CPQ: variants seen among roughly 807,000 people sequenced by gnomAD.
CPQ encodes the protein carboxypeptidase Q.
A neutral mutation model predicts 45.7 loss-of-function variants in CPQ; 37 were observed. The ratio of observed to expected loss-of-function variants is 0.81; its 90% CI spans 0.62 to 1.07. The LOEUF (loss-of-function observed/expected upper bound fraction) is 1.07. Among genes scored for constraint, CPQ ranks in the 50% least tolerant of loss-of-function variants. The pLI is 0.00. For synonymous variants in CPQ, 186 were observed against 205.8 expected (o/e 0.90, Z 0.82); for missense variants, 537 against 572.9 (o/e 0.94, Z 0.64).
intron 2 of CPQ, among the ~76,000 whole-genome samples, chr8:96,820,511 T>G (rs775423996): frequency 6.6e-6 from 1 of 152,010 alleles, no homozygotes; most frequent in Non-Finnish European, 1.5e-5. Flanking sequence ...CCAATCTCTA[T>G]CTTTATGAGA....
intron 1 of CPQ, among the ~76,000 whole-genome samples, chr8:96,777,749 TATATATATATA>T (rs1199893210): frequency 8.2e-4 from 11 of 13,400 alleles, no homozygotes; most frequent in East Asian, 5.2e-3. Flanking sequence ...TATATATATA[TATATATATATA>T]TTTTTTTTTT....
chr8:96,708,904 C>T (rs1405313341), intron 1 of CPQ, among the ~76,000 whole-genome samples: 2 of 152,128 alleles, frequency 1.3e-5, no homozygotes, highest in African/African-American at 2.4e-5. Flanking sequence ...GTTGAATATT[C>T]TTAATATATA....
chr8:96,749,301 C>T (rs1810229465), intron 1 of CPQ, among the ~76,000 whole-genome samples: 1 of 152,154 alleles, frequency 6.6e-6, no homozygotes. Context: ...TTTCTCCACG[C>T]TCTGGGAAAT....
intron 7 of CPQ, among the ~76,000 whole-genome samples, chr8:97,089,265 A>G (rs925083747): frequency 4.0e-5 from 6 of 151,734 alleles, no homozygotes; most frequent in African/African-American, 1.5e-4. Flanking sequence ...AAAAAGAGAA[A>G]AGAAAAGAAA....
intron 1 of CPQ, among the ~76,000 whole-genome samples, chr8:96,699,596 C>T (rs112869196): frequency 0.025 from 3,767 of 151,872 alleles, 171 homozygotes; most frequent in African/African-American, 0.086. Flanking sequence ...TTTTATGTAA[C>T]GCATATATAT....
At chr8:97,018,415 CAGA>C (rs1809618552) in intron 5 of CPQ, among the ~76,000 whole-genome samples, 1 of 152,058 alleles carries the variant, frequency 6.6e-6, no homozygotes, top group African/African-American at 2.4e-5. Flanking sequence ...AAAAAGAATT[CAGA>C]AGGTTAGTTG....
At chr8:96,776,849 T>C (rs1810611216) in intron 1 of CPQ, among the ~76,000 whole-genome samples, 1 of 152,188 alleles carries the variant, frequency 6.6e-6, no homozygotes, top group African/African-American at 2.4e-5. Flanking sequence ...ATATAACTTC[T>C]GAATTCAAAA....
chr8:97,007,099 AGTTT>A (rs1265885049), intron 5 of CPQ, among the ~76,000 whole-genome samples: 4 of 152,172 alleles, frequency 2.6e-5, no homozygotes, highest in Admixed American at 1.3e-4. Context: ...CTTCTCCAAA[AGTTT>A]GTTTGTTTGA....
chr8:96,720,550 A>G (rs1809748740), intron 1 of CPQ, among the ~76,000 whole-genome samples: 1 of 152,194 alleles, frequency 6.6e-6, no homozygotes, highest in African/African-American at 2.4e-5. Context: ...CTAGGACTTA[A>G]CTTACAAATT....
At chr8:97,086,397 C>G (rs1004992510) in intron 7 of CPQ, among the ~76,000 whole-genome samples, 2 of 152,134 alleles carry the variant, frequency 1.3e-5, no homozygotes, top group Admixed American at 1.3e-4. Flanking sequence ...ATTGCTGTTT[C>G]TGTTTTACGA....
intron 2 of CPQ, among the ~76,000 whole-genome samples, chr8:96,795,385 C>A (rs1810915264): frequency 6.6e-6 from 1 of 152,148 alleles, no homozygotes; most frequent in African/African-American, 2.4e-5. Context: ...GATTCAATTA[C>A]CTCTCACCAG....
intron 4 of CPQ, among the ~76,000 whole-genome samples, chr8:96,936,706 G>A (rs930249387): frequency 5.9e-5 from 9 of 152,268 alleles, no homozygotes; most frequent in African/African-American, 2.2e-4. Flanking sequence ...AACATCAGAA[G>A]TTTGAAAAAC....
chr8:96,719,764 A>G (rs1271034092), intron 1 of CPQ, among the ~76,000 whole-genome samples: 1 of 152,148 alleles, frequency 6.6e-6, no homozygotes, highest in African/African-American at 2.4e-5. Flanking sequence ...CACACAAAGC[A>G]TGTCTCAATG....
At position 96,881,737 on chromosome 8, in the gene CPQ, C is replaced by T. The variant is rs550640809; in HGVS notation, c.849+1732C>T. 8.5e-4 allele frequency among the ~76,000 whole-genome samples: 129 copies of T among 152,286 alleles called. 1 individual carries two copies. Among genetic ancestry groups the T allele is most frequent in the Middle Eastern group, 6.8e-3 (2 of 294 alleles). ...CAGTTTCCAGAGTTCATGAATTTATCTGCAAATAAAGGGATGGTATGCAAG... is the reference window on the plus strand; with the variant it reads ...CAGTTTCCAGAGTTCATGAATTTATTTGCAAATAAAGGGATGGTATGCAAG... On this transcript the variant is annotated intron_variant, in intron 4 of 7. Coordinates refer to ENST00000220763, the MANE Select transcript of CPQ (RefSeq NM_016134.4).
At chr8:97,005,782 A>C (rs895871107) in intron 5 of CPQ, among the ~76,000 whole-genome samples, 6 of 152,194 alleles carry the variant, frequency 3.9e-5, no homozygotes, top group Admixed American at 3.3e-4. Context: ...TAATGCAGTG[A>C]AATCTGACTA....
intron 6 of CPQ, among the ~76,000 whole-genome samples, chr8:97,039,151 G>A (rs980793543): frequency 2.0e-5 from 3 of 152,162 alleles, no homozygotes; most frequent in African/African-American, 7.2e-5. Flanking sequence ...ATATCCCACT[G>A]AGCCACACAA....
intron 1 of CPQ, among the ~76,000 whole-genome samples, chr8:96,690,058 G>A (rs1050946832): frequency 1.7e-4 from 26 of 151,786 alleles, no homozygotes; most frequent in African/African-American, 6.3e-4. Context: ...TCATCTCCTT[G>A]TATTGCCTTG....
At chr8:96,887,217 A>G (rs950564628) in intron 4 of CPQ, among the ~76,000 whole-genome samples, 2 of 152,238 alleles carry the variant, frequency 1.3e-5, no homozygotes, top group African/African-American at 2.4e-5. Context: ...ATTGTAAAAT[A>G]AATTTTTTAG....
intron 5 of CPQ, among the ~76,000 whole-genome samples, chr8:96,983,012 T>C (rs1813933377): frequency 1.3e-5 from 2 of 152,216 alleles, no homozygotes; most frequent in Admixed American, 6.5e-5. Flanking sequence ...TTTCAGATCC[T>C]TAGTTCAGAA....
Sources: allele counts gnomAD v4.1 joint callset (sites outside exome capture counted in the v4.1 genomes callset), GRCh38; gene constraint gnomAD v4.1.1; transcripts MANE v1.5; gene names NCBI Gene and HGNC (gene_info 2026-07-23, HGNC 2026-07-21).